Variants in LMNTD1 observed in about 807,000 individuals in gnomAD.
LMNTD1 encodes lamin tail domain-containing protein 1.
LMNTD1 carries 35 observed loss-of-function variants against 50.9 expected under a neutral mutation model. The observed-to-expected ratio is 0.69, with a 90% CI of 0.53 to 0.91. The LOEUF is 0.91. LMNTD1 is among the 40% of genes least tolerant of loss of function. The pLI is 0.00. For synonymous variants in LMNTD1, 153 were observed against 161.9 expected, an observed-to-expected ratio of 0.94 and a Z score of 0.42; for missense variants, 470 against 475.5, an observed-to-expected ratio of 0.99 and a Z score of 0.11.
intron 1 of LMNTD1, among the ~76,000 whole-genome samples, chr12:25,636,264 C>T (rs1283599973): frequency 6.6e-6 from 1 of 151,992 alleles, no homozygotes; most frequent in Non-Finnish European, 1.5e-5. Context: ...CAAGAATCTA[C>T]AATGAACTCA....
intron 1 of LMNTD1, among the ~76,000 whole-genome samples, chr12:25,622,462 AG>A (rs2136568359): frequency 8.3e-6 from 1 of 120,328 alleles, no homozygotes; most frequent in South Asian, 2.9e-4. Context: ...TGAGTTTGTG[AG>A]CCCGCCCCCC....
chr12:25,619,252 C>CTCTCTATATATATATATATA (rs1374134268), intron 1 of LMNTD1, among the ~76,000 whole-genome samples: 13 of 84,430 alleles, frequency 1.5e-4, no homozygotes, highest in Admixed American at 8.0e-4. Flanking sequence ...CTCTCTCTCT[C>CTCTCTATATATATATATATA]TATATATATA....
chr12:25,561,340 G>T (rs1332999481), intron 1 of LMNTD1, among the ~76,000 whole-genome samples: 1 of 152,168 alleles, frequency 6.6e-6, no homozygotes, highest in African/African-American at 2.4e-5. Context: ...CTGGTTCATT[G>T]TGTCTTTGTT....
chr12:25,480,728 G>C (rs1457830471), intron 9 of LMNTD1, among the ~76,000 whole-genome samples: 1 of 152,110 alleles, frequency 6.6e-6, no homozygotes, highest in Non-Finnish European at 1.5e-5. Context: ...GCACTACCTT[G>C]TATTAATATT....
intron 6 of LMNTD1, among the ~76,000 whole-genome samples, chr12:25,520,778 A>G (rs1268893300): frequency 2.0e-5 from 3 of 152,106 alleles, no homozygotes; most frequent in Admixed American, 2.0e-4. Flanking sequence ...GGACTTCCAT[A>G]TTGTTTTCCA....
rs1555124240 is a variant in LMNTD1, at chr12:25,622,463, G to GCT, written c.58+26030_58+26031insAG. 1.3e-3 allele frequency among the ~76,000 whole-genome samples: 146 copies of GCT among 111,150 alleles called. 2 individuals carry two copies. The highest frequency in any genetic ancestry group is 3.9e-3 in the African/African-American group (128 of 33,246). The allele number at this position is 111,150 out of a possible 152,430, so 72.9% of individuals were successfully genotyped here. A position where few individuals can be genotyped will look rare whatever the true frequency, so the allele number is the denominator to read the frequency against. On this transcript the variant is annotated intron_variant, in intron 1 of 7. Transcript: ENST00000445693. ...GTTGCCCTTGACCTTGAGTTTGTGA[G>GCT]CCCGCCCCCCCCCGCAAAATAATAT...
At chr12:25,550,158 T>C (rs950779725) in intron 2 of LMNTD1, among the ~76,000 whole-genome samples, 5 of 152,136 alleles carry the variant, frequency 3.3e-5, no homozygotes, top group African/African-American at 1.2e-4. Flanking sequence ...AGAAGAAAGA[T>C]CATTTTCGTG....
rs1441065928 is a variant in LMNTD1, at chr12:25,517,150, C to T, written c.1189+1645G>A. 2.2e-4 allele frequency among the ~76,000 whole-genome samples: 13 copies of T among 58,300 alleles called. 2 individuals carry two copies. Among genetic ancestry groups the T allele is most frequent in the African/African-American group, 4.6e-4 (11 of 23,700 alleles). 38.2% of individuals were successfully genotyped at this position (58,300 alleles called of 152,430 possible). A position where few individuals can be genotyped will look rare whatever the true frequency, so the allele number is the denominator to read the frequency against. ...TCAACCATTGTGGAAGTCAGTGTGG[C>T]GATTCCTCAGGGATCTAGAACTAGA... On this transcript the variant is annotated intron_variant, in intron 8 of 9. Coordinates refer to ENST00000458174, the MANE Select transcript of LMNTD1 (RefSeq NM_001145728.2).
upstream of LMNTD1, among the ~76,000 whole-genome samples, chr12:25,558,029 C>G (rs1324290445): frequency 6.6e-6 from 1 of 152,096 alleles, no homozygotes; most frequent in Non-Finnish European, 1.5e-5. Context: ...TTATGGAACA[C>G]TAGCGCCCCC....
chr12:25,513,544 G>A (rs1012411481), intron 8 of LMNTD1, among the ~76,000 whole-genome samples: 4 of 152,168 alleles, frequency 2.6e-5, no homozygotes, highest in African/African-American at 4.8e-5. Context: ...GCTGAGGCAC[G>A]AGAATCACTG....
chr12:25,483,086 C>T (rs11048064), intron 9 of LMNTD1, among the ~76,000 whole-genome samples: 3,881 of 152,044 alleles, frequency 0.026, 99 homozygotes, highest in Non-Finnish European at 0.039. Flanking sequence ...TAACACAACC[C>T]TTAAAAATTA....
At chr12:25,553,315 G>C (rs1052185880), upstream of LMNTD1, 3 of 1,292,568 alleles carry the variant, frequency 2.3e-6, no homozygotes, top group African/African-American at 3.0e-5. Context: ...CTGCCTCTTA[G>C]AACTATGAGG....
chr12:25,616,237 TTAA>T (rs1946351538), intron 1 of LMNTD1, among the ~76,000 whole-genome samples: 1 of 152,150 alleles, frequency 6.6e-6, no homozygotes, highest in Non-Finnish European at 1.5e-5. Context: ...AGAAAAATAT[TTAA>T]TTATTATTAT....
chr12:25,497,040 A>AT (rs574688620), intron 9 of LMNTD1, among the ~76,000 whole-genome samples: 286 of 152,180 alleles, frequency 1.9e-3, no homozygotes, highest in African/African-American at 6.7e-3. Context: ...TTAGAACTTC[A>AT]TTTTTTTAAT....
At chr12:25,532,319 G>T (rs1473707758) in intron 4 of LMNTD1, among the ~76,000 whole-genome samples, 1 of 152,072 alleles carries the variant, frequency 6.6e-6, no homozygotes, top group Non-Finnish European at 1.5e-5. Context: ...TGAAATAATT[G>T]GACACTGTAC....
intron 1 of LMNTD1, among the ~76,000 whole-genome samples, chr12:25,625,536 G>C (rs996865984): frequency 1.2e-4 from 19 of 152,062 alleles, no homozygotes; most frequent in Admixed American, 1.0e-3. Context: ...CTCACAGCTG[G>C]TCTGCTGTCT....
intron 1 of LMNTD1, among the ~76,000 whole-genome samples, chr12:25,642,635 T>G (rs140927875): frequency 5.8e-4 from 88 of 152,382 alleles, no homozygotes; most frequent in African/African-American, 2.0e-3. Context: ...TAACATTAGC[T>G]TTATTCTCCA....
At chr12:25,639,936 G>A (rs1372073901) in intron 1 of LMNTD1, among the ~76,000 whole-genome samples, 1 of 152,128 alleles carries the variant, frequency 6.6e-6, no homozygotes, top group Non-Finnish European at 1.5e-5. Flanking sequence ...ACAAAATGTG[G>A]CATATCCATC....
intron 1 of LMNTD1, among the ~76,000 whole-genome samples, chr12:25,636,586 G>A (rs373599342): frequency 6.6e-6 from 1 of 152,248 alleles, no homozygotes; most frequent in East Asian, 1.9e-4. Flanking sequence ...ATTCCTTAAG[G>A]AACTAAAAGG....
Sources: gnomAD v4.1 joint callset for allele counts (sites outside exome capture counted in the v4.1 genomes callset) on GRCh38, gnomAD v4.1.1 for gene constraint, MANE v1.5 for transcripts, NCBI Gene and HGNC (gene_info 2026-07-23, HGNC 2026-07-21) for gene names.